TULP4: variants seen among roughly 807,000 people sequenced by gnomAD.
TULP4 encodes the protein TUB like protein 4, also known as tubby-related protein 4.
In TULP4, 16 loss-of-function variants were observed where a neutral mutation model predicts 129.0. The observed-to-expected ratio is 0.12, with a 90% CI of 0.08 to 0.19. The LOEUF (loss-of-function observed/expected upper bound fraction) is 0.19. Ranked by LOEUF, TULP4 falls within the 10% of genes least tolerant of loss-of-function variation. TULP4 has a pLI of 1.00. For synonymous variants in TULP4, 998 were observed against 854.0 expected, an observed-to-expected ratio of 1.17 and a Z score of -2.94; for missense variants, 1,842 against 2,059.1, an observed-to-expected ratio of 0.89 and a Z score of 2.04.
chr6:158,506,220 TTC>T (rs1780596000), intron 13 of TULP4, among the ~76,000 whole-genome samples: 1 of 127,042 alleles, frequency 7.9e-6, no homozygotes, highest in Non-Finnish European at 1.6e-5. Context: ...GCTCGCCTTG[TTC>T]TTTTTTTTTT....
chr6:158,362,089 T>C (rs139368501), intron 1 of TULP4, among the ~76,000 whole-genome samples: 251 of 152,372 alleles, frequency 1.6e-3, no homozygotes, highest in Middle Eastern at 6.8e-3. Flanking sequence ...ATCATTGAAC[T>C]AGCTCTGTTG....
chr6:158,301,524 G>A (rs538372911), intron 1 of TULP4, among the ~76,000 whole-genome samples: 26 of 152,164 alleles, frequency 1.7e-4, no homozygotes, highest in African/African-American at 5.5e-4. Context: ...AATTAAATTC[G>A]GATCAAATCT....
chr6:158,282,495 TG>T (rs1025135107), intron 1 of TULP4: 2 of 151,780 alleles, frequency 1.3e-5, no homozygotes, highest in African/African-American at 4.8e-5. Context: ...TTGACTGAAA[TG>T]TGGGTTAAGG....
At chr6:158,331,539 T>C (rs1562522962) in intron 1 of TULP4, among the ~76,000 whole-genome samples, 1 of 151,184 alleles carries the variant, frequency 6.6e-6, no homozygotes, top group East Asian at 2.0e-4. Flanking sequence ...TGTTTCAGCA[T>C]CATCTTGTAC....
At chr6:158,400,456 G>T (rs540165352) in intron 1 of TULP4, among the ~76,000 whole-genome samples, 2 of 152,200 alleles carry the variant, frequency 1.3e-5, no homozygotes, top group South Asian at 4.2e-4. Flanking sequence ...AACATCTCAA[G>T]GTGTAGTGTG....
At chr6:158,339,935 T>G (rs1039825767) in intron 1 of TULP4, among the ~76,000 whole-genome samples, 3 of 152,232 alleles carry the variant, frequency 2.0e-5, no homozygotes, top group African/African-American at 7.2e-5. Context: ...GGAGAAGTGA[T>G]AAATGTCCAT....
intron 1 of TULP4, among the ~76,000 whole-genome samples, chr6:158,268,754 A>G (rs1342381743): frequency 6.6e-6 from 1 of 152,202 alleles, no homozygotes; most frequent in African/African-American, 2.4e-5. Flanking sequence ...GGAAAATTAT[A>G]TTACTTACAA....
chr6:158,494,514 T>TA (rs1296182968), intron 10 of TULP4, among the ~76,000 whole-genome samples: 4 of 152,130 alleles, frequency 2.6e-5, no homozygotes, highest in Non-Finnish European at 5.9e-5. Flanking sequence ...CCTGTGGACA[T>TA]ACATACTGGG....
At chr6:158,378,485 T>TTTTTGGG (rs1554285635) in intron 1 of TULP4, among the ~76,000 whole-genome samples, 3 of 51,288 alleles carry the variant, frequency 5.8e-5, no homozygotes, top group Non-Finnish European at 1.2e-4. Flanking sequence ...TTTTTTTTTT[T>TTTTTGGG]GGTGGGGGTG....
At chr6:158,349,002 GCGCTCCT>G (rs1780399341) in intron 1 of TULP4, among the ~76,000 whole-genome samples, 56 of 66,304 alleles carry the variant, frequency 8.4e-4, no homozygotes, top group African/African-American at 3.0e-3. Context: ...CCGGGCAGAG[GCGCTCCT>G]CACTTCCCAG....
At chr6:158,280,378 C>A (rs934404399), upstream of TULP4, among the ~76,000 whole-genome samples, 1 of 152,042 alleles carries the variant, frequency 6.6e-6, no homozygotes, top group Non-Finnish European at 1.5e-5. Context: ...TTAAAGTTAT[C>A]TTTTCTTCAT....
intron 1 of TULP4, among the ~76,000 whole-genome samples, chr6:158,261,279 T>G (rs1406363717): frequency 1.3e-5 from 2 of 152,256 alleles, no homozygotes; most frequent in Non-Finnish European, 2.9e-5. Context: ...TATTTTTGTT[T>G]AATTGTACTT....
chr6:158,245,093 T>G (rs1778002532), intron 1 of TULP4, among the ~76,000 whole-genome samples: 1 of 151,708 alleles, frequency 6.6e-6, no homozygotes, highest in South Asian at 2.1e-4. Context: ...GTTCAAGCAA[T>G]CCTCCTCCCT....
chr6:158,494,686 C>G, intron 10 of TULP4, 67 bp from the exon 11 acceptor site: 1 of 1,421,012 alleles, frequency 7.0e-7, no homozygotes, highest in Non-Finnish European at 9.9e-7. Flanking sequence ...AACATTCTTA[C>G]TGAGTGACCA....
intron 5 of TULP4, 150 bp from the exon 6 acceptor site, chr6:158,461,411 CAA>C (rs1172710735): frequency 6.7e-3 from 3,655 of 542,404 alleles, no homozygotes; most frequent in East Asian, 0.011. Flanking sequence ...AACTCCGTCT[CAA>C]AAAAAAAAAA....
rs568907498 is a variant in TULP4, at chr6:158,490,160, G to A, written c.1631+428G>A. Among the ~76,000 whole-genome samples, 387 of 152,306 alleles carry A rather than the reference G, an allele frequency of 2.5e-3. 1 individual carries two copies. The highest frequency in any genetic ancestry group is 4.4e-3 in the Non-Finnish European group (297 of 68,030). On this transcript the variant is annotated intron_variant, in intron 9 of 13. Coordinates refer to ENST00000367097, the MANE Select transcript of TULP4 (RefSeq NM_020245.5). ...CGCCTGTAATCCCATCACTTTGGGC[G>A]GCCGAGGCGGGTGGATCACGAAGTC...
chr6:158,333,034 T>TTCCCCCATTTCG (rs1366117514), intron 1 of TULP4, among the ~76,000 whole-genome samples: 1 of 152,194 alleles, frequency 6.6e-6, no homozygotes, highest in African/African-American at 2.4e-5. Context: ...CCCCTATACC[T>TTCCCCCATTTCG]TCCCCCATTT....
chr6:158,505,855 C>T (rs1229805605), intron 13 of TULP4, among the ~76,000 whole-genome samples: 1 of 152,076 alleles, frequency 6.6e-6, no homozygotes, highest in African/African-American at 2.4e-5. Flanking sequence ...AGCATTCACC[C>T]CATTCTTTTT....
At chr6:158,481,360 A>T in intron 8 of TULP4, 71 bp downstream of exon 8, 1 of 1,376,026 alleles carries the variant, frequency 7.3e-7, no homozygotes, top group Non-Finnish European at 1.0e-6. Flanking sequence ...CTTACACCCC[A>T]TGCAAAGAGA....
Sources: allele counts gnomAD v4.1 joint callset (sites outside exome capture counted in the v4.1 genomes callset), GRCh38; gene constraint gnomAD v4.1.1; transcripts MANE v1.5; gene names NCBI Gene and HGNC (gene_info 2026-07-23, HGNC 2026-07-21).